Variants in ADSL observed in about 807,000 individuals in gnomAD.
ADSL encodes adenylosuccinase.
ADSL carries 44 observed loss-of-function variants against 62.1 expected under a neutral mutation model. The ratio of observed to expected loss-of-function variants is 0.71; its 90% CI spans 0.56 to 0.91. ADSL has a LOEUF of 0.91. ADSL is among the 40% of genes least tolerant of loss of function. ADSL has a pLI of 0.00. For missense variants in ADSL, 531 were observed against 627.4 expected (o/e 0.85, Z 1.64); for synonymous variants, 198 against 220.5 (o/e 0.90, Z 0.90).
chr22:40,384,295 T>G (rs1477505594), intron 2 of ADSL, among the ~76,000 whole-genome samples: 2 of 151,918 alleles, frequency 1.3e-5, no homozygotes, highest in Non-Finnish European at 2.9e-5. Flanking sequence ...CCCTAAACCT[T>G]AGGATCTGAA....
At chr22:40,347,359 G>A (rs1820525304) in intron 1 of ADSL, 1 of 152,302 alleles carries the variant, frequency 6.6e-6, no homozygotes, top group Non-Finnish European at 1.5e-5. Context: ...CCGGGTAGGG[G>A]TTTATTAAAC....
intron 9 of ADSL, 82 bp from the exon 10 acceptor site, chr22:40,362,896 CAGT>C: frequency 8.1e-7 from 1 of 1,230,008 alleles, no homozygotes; most frequent in Non-Finnish European, 1.2e-6. Flanking sequence ...AGAGTACAGT[CAGT>C]AGGGCAACTT....
chr22:40,366,366 C>T lies in ADSL; in HGVS notation c.1369-70C>T, dbSNP rs1186456222. ...ATTAGGTTTCAGTGGTATCCCCTGACATTGGAAAAGGTATTATCTGCTAAT... is the reference window on the plus strand; with the variant it reads ...ATTAGGTTTCAGTGGTATCCCCTGATATTGGAAAAGGTATTATCTGCTAAT... On this transcript the variant is annotated intron_variant, in intron 12 of 12. Coordinates refer to ENST00000623063, the MANE Select transcript of ADSL (RefSeq NM_000026.4). 10 of 1,146,278 alleles carry T rather than the reference C, an allele frequency of 8.7e-6. No homozygotes were observed. The Admixed American group carries it at 1.7e-4, about 20-fold the overall frequency. The allele number at this position is 1,146,278 out of a possible 1,614,324, so 71.0% of individuals were successfully genotyped here.
chr22:40,371,354 A>G (rs1291345154), downstream of ADSL, among the ~76,000 whole-genome samples: 2 of 152,228 alleles, frequency 1.3e-5, no homozygotes, highest in African/African-American at 4.8e-5. Context: ...CTGGGTGACT[A>G]GTGTATCTTC....
At chr22:40,364,205 A>AC (rs1192373557) in intron 10 of ADSL, 71 bp from the exon 11 acceptor site, 11 of 1,255,182 alleles carry the variant, frequency 8.8e-6, no homozygotes, top group Non-Finnish European at 1.2e-6. Context: ...ATTTTGTTTG[A>AC]CATCCTGCTG....
Position 40,353,119 on chromosome 22 carries a change from TAAG to T in ADSL, c.402+3_402+5del. The T allele has an allele frequency of 2.5e-6, 4 of 1,613,190 alleles. No individual in the cohort carries two copies. The highest frequency in any genetic ancestry group is 3.4e-6 in the Non-Finnish European group (4 of 1,179,144). Reference sequence around the variant, plus strand: ...GCACTTGACCTGCTTTTGCCAAAGGTAAGGAGTTGGCAGATGTTTCCTACCAAC... The same window carrying T: ...GCACTTGACCTGCTTTTGCCAAAGGTGAGTTGGCAGATGTTTCCTACCAAC... On this transcript the variant is annotated splice_donor_5th_base_variant and intron_variant, in intron 3 of 12. Coordinates refer to ENST00000623063, the MANE Select transcript of ADSL (RefSeq NM_000026.4).
intron 4 of ADSL, among the ~76,000 whole-genome samples, chr22:40,356,918 CAG>C: frequency 6.6e-6 from 1 of 152,270 alleles, no homozygotes; most frequent in African/African-American, 2.4e-5. Context: ...TGTTTTGAGA[CAG>C]AGTCTCACTC....
intron 3 of ADSL, 49 bp from the exon 4 acceptor site, chr22:40,354,199 G>T: frequency 6.7e-7 from 1 of 1,496,838 alleles, no homozygotes; most frequent in South Asian, 1.1e-5. Context: ...ATTATGTAAT[G>T]AACACAACCT....
At position 40,349,907 on chromosome 22, in the gene ADSL, G is replaced by A. The variant is rs775646855; in HGVS notation, c.229G>A (p.Ala77Thr). ...CCTGGAGAACATCGACTTCAAGATG[G>A]CAGCTGAGGAAGAGAAACGTTTACG... ...SNLENIDFKM[A>T]AEEEKRLRHD... Residue 77 changes from alanine (A) to threonine (T), a missense_variant, in exon 2 of 13, where the codon GCA becomes ACA. By Grantham distance (58) the Ala-to-Thr change is moderately conservative. Coordinates refer to ENST00000623063, the MANE Select transcript of ADSL (RefSeq NM_000026.4). 8 of 1,614,144 alleles carry A rather than the reference G, an allele frequency of 5.0e-6. No homozygotes were observed. In the South Asian group the frequency reaches 8.8e-5, roughly 18 times the overall value.
chr22:40,356,291 CT>C (rs888885510), intron 4 of ADSL, among the ~76,000 whole-genome samples: 4 of 151,596 alleles, frequency 2.6e-5, no homozygotes, highest in African/African-American at 9.7e-5. Flanking sequence ...AATCTCAGCA[CT>C]TTGGGAGGCC....
Position 40,353,527 on chromosome 22 carries a change from AC to A in ADSL, c.402+413del, listed in dbSNP as rs957049458. The stretch of plus-strand genomic sequence containing the variant: ...TCAAACTCCTGAGCTCAAGGGATCC[AC>A]CCGTCTTGGCCTTTCAAAGTGTTGG... On this transcript the variant is annotated intron_variant, in intron 3 of 12. Transcript: ENST00000623063. 2.9e-5 allele frequency: 18 copies of A among 619,984 alleles called. No individual in the cohort carries two copies. In the African/African-American group the frequency reaches 3.4e-4, roughly 12 times the overall value. The allele number at this position is 619,984 out of a possible 1,614,324, so 38.4% of individuals were successfully genotyped here. A position where few individuals can be genotyped will look rare whatever the true frequency, so the allele number is the denominator to read the frequency against.
chr22:40,354,096 A>C, intron 3 of ADSL, 152 bp from the exon 4 acceptor site: 1 of 771,744 alleles, frequency 1.3e-6, no homozygotes, highest in South Asian at 1.4e-5. Context: ...TCTTCCAGGC[A>C]CTTTAGGGTA....
chr22:40,361,386 A>C, intron 8 of ADSL, 44 bp downstream of exon 8: 1 of 1,612,584 alleles, frequency 6.2e-7, no homozygotes, highest in South Asian at 1.1e-5. Flanking sequence ...TGCTGCTGGA[A>C]GGCTGTGGAT....
intron 9 of ADSL, 130 bp from the exon 10 acceptor site, chr22:40,362,851 T>A (rs943562017): frequency 6.5e-5 from 60 of 917,828 alleles, no homozygotes; most frequent in Non-Finnish European, 1.0e-4. Flanking sequence ...CGTGAGGTTA[T>A]TGGGGTAATC....
rs963510054 is a variant in ADSL at position 40,354,307 on chromosome 22, A to G, written c.462A>G (p.Thr154=). 2.5e-6 allele frequency: 4 copies of G among 1,614,094 alleles called. No homozygotes were observed. The highest frequency in any genetic ancestry group is 2.2e-5 in the South Asian group (2 of 91,082). ...CTAAGGAACGAGCCAGTCTACCCAC[A>G]TTAGGTTTCACACATTTCCAGTAAG... ...DFAKERASLP[T]LGFTHFQPAQ... The change falls in exon 4 of 13, where the codon ACA becomes ACG. Residue 154 remains threonine (T), a synonymous_variant. Transcript: ENST00000623063.
intron 2 of ADSL, chr22:40,387,247 C>A (rs2048623694): frequency 2.5e-6 from 1 of 398,536 alleles, no homozygotes; most frequent in South Asian, 1.3e-4. Flanking sequence ...CGTCTACTCA[C>A]TGCCACAGAG....
chr22:40,379,785 T>C, intron 2 of ADSL, among the ~76,000 whole-genome samples: 1 of 152,182 alleles, frequency 6.6e-6, no homozygotes, highest in African/African-American at 2.4e-5. Flanking sequence ...CTCCACTCAC[T>C]GCAACCTCCA....
rs919176674 is a variant in ADSL at position 40,369,105 on chromosome 22, A to G, written c.*2583A>G. ...ATATTACATAACAGATACTGGGGAT[A>G]TAGGATACCATGGATTTTAGTTAAT... is the stretch of plus-strand genomic sequence containing the variant. On this transcript the variant is annotated 3_prime_UTR_variant, in exon 13 of 13. Transcript: ENST00000623063. The G allele has an allele frequency of 2.0e-5, 3 of 152,212 alleles. No homozygotes were observed. The highest frequency in any genetic ancestry group is 4.4e-5 in the Non-Finnish European group (3 of 68,030). 9.4% of individuals were successfully genotyped at this position (152,212 alleles called of 1,614,324 possible). A position where few individuals can be genotyped will look rare whatever the true frequency, so the allele number is the denominator to read the frequency against.
At position 40,358,841 on chromosome 22, in the gene ADSL, G is replaced by C. The variant is rs10427931; in HGVS notation, c.483-23G>C. 5.4e-5 allele frequency: 87 copies of C among 1,613,740 alleles called. 2 individuals are homozygous for C. The South Asian group carries it at 9.4e-4, about 18-fold the overall frequency. On this transcript the variant is annotated intron_variant, in intron 4 of 12. Coordinates refer to ENST00000623063, the MANE Select transcript of ADSL (RefSeq NM_000026.4). ...TTTAAGGTCTCGGTCTGAGACTTTC[G>C]TGTGTTCTCTTTGGGTTTTCAGGCC...
Sources: allele counts gnomAD v4.1 joint callset (sites outside exome capture counted in the v4.1 genomes callset), GRCh38; gene constraint gnomAD v4.1.1; transcripts MANE v1.5; gene names NCBI Gene and HGNC (gene_info 2026-07-23, HGNC 2026-07-21).